The following ATRNL1 variants were observed in gnomAD, a reference collection of about 807,000 sequenced individuals.
ATRNL1 encodes attractin like 1, also known as attractin-like protein 1.
Under a neutral mutation model 182.7 loss-of-function variants are expected in ATRNL1, and 95 were observed. The ratio of observed to expected loss-of-function variants is 0.52; its 90% CI spans 0.44 to 0.62. ATRNL1 has a LOEUF of 0.62. Ranked by LOEUF, ATRNL1 falls within the 20% of genes least tolerant of loss-of-function variation. The probability of loss-of-function intolerance (pLI) is 0.00; values close to 1 mark genes in which losing one functional copy is unlikely to be tolerated. For synonymous variants in ATRNL1, 576 were observed against 568.3 expected (o/e 1.01, Z -0.19); for missense variants, 1,471 against 1,679.5 (o/e 0.88, Z 2.17).
At chr10:115,784,880 G>T (rs958947930) in intron 27 of ATRNL1, among the ~76,000 whole-genome samples, 18 of 152,108 alleles carry the variant, frequency 1.2e-4, no homozygotes, top group Non-Finnish European at 2.2e-4. Context: ...TCACATTTTG[G>T]GTGGACATGA....
At chr10:115,506,370 A>G (rs758614935) in intron 24 of ATRNL1, among the ~76,000 whole-genome samples, 1 of 152,118 alleles carries the variant, frequency 6.6e-6, no homozygotes, top group Non-Finnish European at 1.5e-5. Flanking sequence ...CAGCAAACAA[A>G]CACATTATGT....
chr10:115,325,307 C>T (rs1854813606), intron 18 of ATRNL1, among the ~76,000 whole-genome samples: 1 of 152,108 alleles, frequency 6.6e-6, no homozygotes, highest in African/African-American at 2.4e-5. Flanking sequence ...ATGTAAACCT[C>T]AACACTCTTA....
chr10:115,152,757 T>G (rs1441382400), intron 5 of ATRNL1, among the ~76,000 whole-genome samples: 1 of 152,178 alleles, frequency 6.6e-6, no homozygotes, highest in Non-Finnish European at 1.5e-5. Flanking sequence ...CTATGTTGAA[T>G]AAGAGTGGTG....
At chr10:115,182,753 A>G (rs781862735) in intron 8 of ATRNL1, among the ~76,000 whole-genome samples, 54 of 151,538 alleles carry the variant, frequency 3.6e-4, no homozygotes, top group Non-Finnish European at 7.1e-4. Context: ...AATTCACCAC[A>G]ATGATATGAT....
At chr10:115,531,197 C>T (rs1411959603) in intron 25 of ATRNL1, among the ~76,000 whole-genome samples, 2 of 151,924 alleles carry the variant, frequency 1.3e-5, no homozygotes, top group African/African-American at 2.4e-5. Flanking sequence ...CCTGAGTAAT[C>T]GCCACACTGA....
chr10:115,236,986 C>T (rs545755775), intron 9 of ATRNL1, among the ~76,000 whole-genome samples: 68 of 152,134 alleles, frequency 4.5e-4, no homozygotes, highest in Non-Finnish European at 9.1e-4. Flanking sequence ...TGTCATAAAG[C>T]TGGAATCATG....
At chr10:115,933,504 C>G (rs1051515009) in intron 28 of ATRNL1, among the ~76,000 whole-genome samples, 1 of 152,232 alleles carries the variant, frequency 6.6e-6, no homozygotes, top group African/African-American at 2.4e-5. Flanking sequence ...CACAAGCACA[C>G]ATGGAGGGGA....
intron 28 of ATRNL1, among the ~76,000 whole-genome samples, chr10:115,919,598 G>A (rs1952983368): frequency 6.6e-6 from 1 of 152,036 alleles, no homozygotes; most frequent in African/African-American, 2.4e-5. Flanking sequence ...CATACTGAAT[G>A]TGTATATATA....
intron 27 of ATRNL1, among the ~76,000 whole-genome samples, chr10:115,803,315 C>T (rs1555084823): frequency 6.6e-6 from 1 of 151,800 alleles, no homozygotes; most frequent in African/African-American, 2.4e-5. Flanking sequence ...TGGTTTTTTT[C>T]CTGAAGGATA....
At chr10:115,562,027 A>G (rs1853787269) in intron 26 of ATRNL1, among the ~76,000 whole-genome samples, 3 of 152,170 alleles carry the variant, frequency 2.0e-5, no homozygotes, top group Admixed American at 2.0e-4. Flanking sequence ...TTAGGTGAAT[A>G]CTGAAGAAAA....
At position 115,106,041 on chromosome 10, in the gene ATRNL1, C is replaced by T. The variant is rs530561370; in HGVS notation, c.293+11998C>T. On this transcript the variant is annotated intron_variant, in intron 1 of 28. Coordinates refer to ENST00000355044, the MANE Select transcript of ATRNL1 (RefSeq NM_207303.4). ...CCTTGCACCATGTGCCTGGAAAAGC[C>T]GCAGATGTTCAACGACAGCCCATGA... Among the ~76,000 whole-genome samples, 8 of 152,226 alleles carry T rather than the reference C, an allele frequency of 5.3e-5. No individual in the cohort carries two copies. The Middle Eastern group carries it at 0.01, about 194-fold the overall frequency.
At chr10:115,131,074 A>G (rs782436761) in intron 5 of ATRNL1, among the ~76,000 whole-genome samples, 1 of 151,974 alleles carries the variant, frequency 6.6e-6, no homozygotes, top group Non-Finnish European at 1.5e-5. Flanking sequence ...TTCATATCCT[A>G]TTATTCTCAT....
chr10:115,607,407 A>G (rs947376948), intron 26 of ATRNL1, among the ~76,000 whole-genome samples: 8 of 151,858 alleles, frequency 5.3e-5, no homozygotes, highest in African/African-American at 1.7e-4. Context: ...GATAATCATT[A>G]TATGATAACC....
At chr10:115,332,223 C>T (rs1203906998) in intron 18 of ATRNL1, among the ~76,000 whole-genome samples, 1 of 152,118 alleles carries the variant, frequency 6.6e-6, no homozygotes, top group East Asian at 1.9e-4. Context: ...ACTCTAAGGG[C>T]TTGGGGATGG....
chr10:115,815,667 C>G (rs1483409123), intron 27 of ATRNL1, among the ~76,000 whole-genome samples: 12 of 151,906 alleles, frequency 7.9e-5, no homozygotes, highest in Non-Finnish European at 1.6e-4. Flanking sequence ...TCTATCTTTT[C>G]TCCTTGGTCT....
chr10:115,528,072 T>TC (rs1554987188), intron 25 of ATRNL1, among the ~76,000 whole-genome samples: 1 of 27,376 alleles, frequency 3.7e-5, no homozygotes, highest in African/African-American at 7.5e-5. Context: ...CTTCCTTCCT[T>TC]TCCCTTCTCA....
chr10:115,857,741 G>C (rs1426246081), intron 28 of ATRNL1, among the ~76,000 whole-genome samples: 2 of 152,186 alleles, frequency 1.3e-5, no homozygotes, highest in East Asian at 3.9e-4. Context: ...AATTAAACAT[G>C]CTGCAGAAAA....
chr10:115,095,693 G>C (rs1283407988), intron 1 of ATRNL1, among the ~76,000 whole-genome samples: 1 of 152,018 alleles, frequency 6.6e-6, no homozygotes, highest in Non-Finnish European at 1.5e-5. Flanking sequence ...AATTCTGCTT[G>C]TTAGTTGTTT....
intron 27 of ATRNL1, among the ~76,000 whole-genome samples, chr10:115,840,943 A>C (rs1950792579): frequency 6.6e-6 from 1 of 152,108 alleles, no homozygotes; most frequent in South Asian, 2.1e-4. Context: ...CAAGGCCAGA[A>C]AGGATGTTCT....
Sources: gnomAD v4.1 joint callset for allele counts (sites outside exome capture counted in the v4.1 genomes callset) on GRCh38, gnomAD v4.1.1 for gene constraint, MANE v1.5 for transcripts, NCBI Gene and HGNC (gene_info 2026-07-23, HGNC 2026-07-21) for gene names.